The following NIPBL variants were observed in gnomAD, a reference collection of about 807,000 sequenced individuals.
NIPBL encodes nipped-B-like protein.
NIPBL carries 19 observed loss-of-function variants against 321.8 expected under a neutral mutation model. The observed-to-expected ratio is 0.06, with a 90% confidence interval of 0.04 to 0.09. NIPBL has a LOEUF of 0.09. Ranked by LOEUF, NIPBL falls within the 10% of genes least tolerant of loss-of-function variation. NIPBL has a pLI of 1.00. For synonymous variants in NIPBL, 1,106 were observed against 1,114.1 expected, an observed-to-expected ratio of 0.99 and a Z score of 0.14; for missense variants, 2,210 against 3,327.0, an observed-to-expected ratio of 0.66 and a Z score of 8.26.
At chr5:36,878,187 T>C (rs975604877) in intron 1 of NIPBL, among the ~76,000 whole-genome samples, 1 of 152,206 alleles carries the variant, frequency 6.6e-6, no homozygotes, top group Admixed American at 6.5e-5. Context: ...GTTAAAAAAT[T>C]GTAGAAGGTG....
intron 1 of NIPBL, chr5:36,885,897 G>A: frequency 4.1e-6 from 3 of 735,700 alleles, no homozygotes; most frequent in Non-Finnish European, 7.5e-6. Context: ...ACCAGCTCTG[G>A]GTTGACCGTG....
intron 6 of NIPBL, among the ~76,000 whole-genome samples, chr5:36,963,691 A>G (rs1741885279): frequency 6.6e-6 from 1 of 151,956 alleles, no homozygotes; most frequent in South Asian, 2.1e-4. Flanking sequence ...AGTCCCAGCT[A>G]CTCAGGAGGA....
chr5:37,016,098 C>T lies in NIPBL; in HGVS notation c.4704C>T (p.Asp1568=). 6.2e-7 allele frequency: 1 copy of T among 1,613,818 alleles called. No homozygotes were observed. The highest frequency in any genetic ancestry group is 8.5e-7 in the Non-Finnish European group (1 of 1,179,856). The change falls in exon 23 of 47, where the codon GAC becomes GAT. Residue 1568 remains aspartate, a synonymous_variant. Coordinates refer to ENST00000282516, the MANE Select transcript of NIPBL (RefSeq NM_133433.4). ...YRPLFENFVQ[D]LLSTVNKPEW... Reference sequence around the variant, plus strand: ...CACTGTTTGAAAATTTTGTTCAAGACCTTCTTTCAACAGTCAATAAGCCTG... The same window carrying T: ...CACTGTTTGAAAATTTTGTTCAAGATCTTCTTTCAACAGTCAATAAGCCTG...
chr5:36,888,689 T>C (rs558133318), intron 1 of NIPBL, among the ~76,000 whole-genome samples: 1 of 152,250 alleles, frequency 6.6e-6, no homozygotes, highest in Admixed American at 6.5e-5. Context: ...GTTTGGAAAT[T>C]AATGTTCATG....
intron 32 of NIPBL, among the ~76,000 whole-genome samples, chr5:37,030,736 G>A (rs1750904575): frequency 6.6e-6 from 1 of 151,210 alleles, no homozygotes; most frequent in Admixed American, 6.6e-5. Flanking sequence ...TCTGTTCATT[G>A]TCTAAATAAT....
intron 34 of NIPBL, among the ~76,000 whole-genome samples, chr5:37,040,618 A>C (rs564494266): frequency 4.6e-5 from 7 of 152,332 alleles, no homozygotes; most frequent in Non-Finnish European, 7.4e-5. Flanking sequence ...AGGTGTTTAC[A>C]TATTTCCTTT....
chr5:36,991,643 A>G (rs920384905), intron 10 of NIPBL, among the ~76,000 whole-genome samples: 2 of 151,362 alleles, frequency 1.3e-5, no homozygotes, highest in Admixed American at 6.6e-5. Flanking sequence ...TTTTGCCCCC[A>G]CTTACCTCTA....
At chr5:36,956,870 C>T (rs1741024673) in intron 3 of NIPBL, among the ~76,000 whole-genome samples, 1 of 151,792 alleles carries the variant, frequency 6.6e-6, no homozygotes, top group Non-Finnish European at 1.5e-5. Flanking sequence ...GGTGATCCAC[C>T]CACCTCGGCC....
rs370826969 is a variant in NIPBL, at chr5:37,020,771, G to A, written c.5226-4G>A. 7 of 1,612,984 alleles carry A rather than the reference G, an allele frequency of 4.3e-6. No homozygotes were observed. In the African/African-American group the frequency reaches 9.3e-5, roughly 21 times the overall value. ...AATAAATTTTTAATGACTTTTTGTT[G>A]CAGGATGAACTCTGATACTGTGGAC... On this transcript the variant is annotated splice_region_variant and splice_polypyrimidine_tract_variant and intron_variant, in intron 26 of 46. Transcript: ENST00000282516.
At chr5:36,973,464 G>A (rs563786084) in intron 8 of NIPBL, among the ~76,000 whole-genome samples, 2 of 151,426 alleles carry the variant, frequency 1.3e-5, no homozygotes, top group East Asian at 1.9e-4. Context: ...CGTCATCTAG[G>A]TTTTTTTTCT....
intron 8 of NIPBL, among the ~76,000 whole-genome samples, chr5:36,975,078 T>C (rs2149626862): frequency 6.6e-6 from 1 of 152,198 alleles, no homozygotes; most frequent in South Asian, 2.1e-4. Context: ...GACTCTGGGC[T>C]CAATATATTT....
At chr5:36,995,513 A>C (rs1190469725) in intron 10 of NIPBL, 109 bp from the exon 11 acceptor site, 1 of 718,072 alleles carries the variant, frequency 1.4e-6, no homozygotes, top group African/African-American at 1.8e-5. Flanking sequence ...TAAAATAAAC[A>C]GTTGATTTAG....
intron 35 of NIPBL, 64 bp downstream of exon 35, chr5:37,044,551 T>G (rs978870582): frequency 1.3e-6 from 2 of 1,585,502 alleles, no homozygotes; most frequent in Non-Finnish European, 1.7e-6. Context: ...TTTATTAAAA[T>G]TTTTAAAGCA....
chr5:37,020,116 G>A (rs376131179), intron 25 of NIPBL, among the ~76,000 whole-genome samples: 10 of 152,230 alleles, frequency 6.6e-5, no homozygotes, highest in African/African-American at 1.9e-4. Flanking sequence ...TTATCAATTT[G>A]TTTTAAACTT....
chr5:37,013,047 C>CT (rs1561156964), intron 21 of NIPBL, among the ~76,000 whole-genome samples: 1 of 150,678 alleles, frequency 6.6e-6, no homozygotes, highest in African/African-American at 2.5e-5. Flanking sequence ...GGGGCTGACC[C>CT]CCCCCCACCT....
At chr5:36,905,657 T>C (rs1317481280) in intron 1 of NIPBL, among the ~76,000 whole-genome samples, 1 of 152,200 alleles carries the variant, frequency 6.6e-6, no homozygotes, top group East Asian at 1.9e-4. Flanking sequence ...AATAAAAATT[T>C]CAGTGAGATG....
chr5:37,058,953 C>T lies in NIPBL; in HGVS notation c.7473C>T (p.Ser2491=), dbSNP rs780356036. 4.3e-6 allele frequency: 7 copies of T among 1,614,026 alleles called. No individual in the cohort carries two copies. The highest frequency in any genetic ancestry group is 5.1e-6 in the Non-Finnish European group (6 of 1,179,996). ...CACCTAGTAAGGAAAATGAGTCAAG[C>T]GACAGTGAAGAAGAAGTTTCCAGGC... ...KSSPSKENES[S]DSEEEVSRPR... is the part of the protein sequence containing the mutation. Residue 2491 remains serine, a synonymous_variant, in exon 44 of 47, where the codon AGC becomes AGT. Transcript: ENST00000282516.
rs1025811924 is a variant in NIPBL at position 36,877,046 on chromosome 5, C to T, written c.-212C>T. On this transcript the variant is annotated 5_prime_UTR_variant, in exon 1 of 47. Transcript: ENST00000282516. ...CGATTTGTCTTCTCGGCTGGTCTCC[C>T]CCCGGCTCTACATGTTCCCCGCACT... 8.4e-6 allele frequency: 3 copies of T among 358,528 alleles called. No individual in the cohort carries two copies. The highest frequency in any genetic ancestry group is 1.5e-5 in the Non-Finnish European group (3 of 201,102). 22.2% of individuals were successfully genotyped at this position (358,528 alleles called of 1,614,324 possible).
chr5:37,056,326 TG>T (rs1283030647), intron 42 of NIPBL, among the ~76,000 whole-genome samples: 1 of 152,168 alleles, frequency 6.6e-6, no homozygotes, highest in Non-Finnish European at 1.5e-5. Flanking sequence ...GTTGTTTCCA[TG>T]GCAGGGGAAG....
Sources: gnomAD v4.1 joint callset for allele counts (sites outside exome capture counted in the v4.1 genomes callset) on GRCh38, gnomAD v4.1.1 for gene constraint, MANE v1.5 for transcripts, NCBI Gene and HGNC (gene_info 2026-07-23, HGNC 2026-07-21) for gene names.